The following ZNF280B variants were observed in gnomAD, a reference collection of about 807,000 sequenced individuals.
ZNF280B encodes the protein suppressor of hairy wing homolog 2.
Under a neutral mutation model 38.0 loss-of-function variants are expected in ZNF280B, and 16 were observed. The observed-to-expected ratio is 0.42, with a 90% confidence interval of 0.28 to 0.64. The LOEUF (loss-of-function observed/expected upper bound fraction) is 0.64, where lower values mean the gene tolerates loss of function less well. Ranked by LOEUF, ZNF280B falls within the 30% of genes least tolerant of loss-of-function variation. The pLI, the probability that ZNF280B is intolerant of heterozygous loss-of-function variation, is 0.21. For missense variants in ZNF280B, 581 were observed against 639.6 expected (o/e 0.91, Z 0.99); for synonymous variants, 253 against 230.6 (o/e 1.10, Z -0.88).
Position 22,484,977 on chromosome 22 carries a change from G to C in ZNF280B, c.*2790C>G, listed in dbSNP as rs569652306. The C allele has an allele frequency of 6.6e-6, 1 of 152,292 alleles. No homozygotes were observed. Among genetic ancestry groups the C allele is most frequent in the Admixed American group, 6.6e-5 (1 of 15,224 alleles). The allele number at this position is 152,292 out of a possible 1,614,324, so 9.4% of individuals were successfully genotyped here. ...GGTAGCAAGCCATGCAGGCCTAGGG[G>C]AAGGGCATTCTAAGAAAGACAACAG... On this transcript the variant is annotated 3_prime_UTR_variant, in exon 4 of 4. Coordinates refer to ENST00000626650, the MANE Select transcript of ZNF280B (RefSeq NM_080764.4).
chr22:22,488,105 A>G lies in ZNF280B; in HGVS notation c.1294T>C (p.Leu432=), dbSNP rs1305542122. ...ATTTTGAGACAAAAGGGACAAAGCA[A>G]ATTCTTTGTGTTTTCATGGCACGTT... ...FRTCHENTKN[L]LCPFCLKIFK... Residue 432 remains leucine (L), a synonymous_variant, in exon 4 of 4, where the codon TTG becomes CTG. Transcript: ENST00000626650. The G allele has an allele frequency of 6.2e-7, 1 of 1,613,860 alleles. No individual in the cohort carries two copies.
rs1312936987 is a variant in ZNF280B, at chr22:22,488,390, C to T, written c.1009G>A (p.Asp337Asn). Residue 337 changes from aspartate (D) to asparagine (N), a missense_variant, in exon 4 of 4, where the codon GAC (aspartate) becomes AAC (asparagine). Asp to Asn is a conservative substitution (Grantham distance 23). Coordinates refer to ENST00000626650, the MANE Select transcript of ZNF280B (RefSeq NM_080764.4). ...HHLEFEKQRNDSWENHTTCQH... is the reference protein window; with the variant it reads ...HHLEFEKQRNNSWENHTTCQH... ...CAGGTGGTGTGGTTTTCCCAGCTGTCGTTCCTCTGCTTCTCAAATTCCAAA... is the reference window on the plus strand; with the variant it reads ...CAGGTGGTGTGGTTTTCCCAGCTGTTGTTCCTCTGCTTCTCAAATTCCAAA... 9 of 1,613,780 alleles carry T rather than the reference C, an allele frequency of 5.6e-6. No individual in the cohort carries two copies. The highest frequency in any genetic ancestry group is 7.6e-6 in the Non-Finnish European group (9 of 1,179,998).
chr22:22,488,109 C>T lies in ZNF280B; in HGVS notation c.1290G>A (p.Lys430=), dbSNP rs2061527100. 6.2e-7 allele frequency: 1 copy of T among 1,613,822 alleles called. No individual in the cohort carries two copies. The highest frequency in any genetic ancestry group is 8.5e-7 in the Non-Finnish European group (1 of 1,179,942). ...TGAGACAAAAGGGACAAAGCAAATT[C>T]TTTGTGTTTTCATGGCACGTTCTAA... ...THFRTCHENT[K]NLLCPFCLKI... is the part of the protein sequence containing the mutation. Residue 430 remains lysine (K), a synonymous_variant, in exon 4 of 4, where the codon AAG becomes AAA. Coordinates refer to ENST00000626650, the MANE Select transcript of ZNF280B (RefSeq NM_080764.4).
At chr22:22,507,292 G>C (rs939555789) in intron 2 of ZNF280B, among the ~76,000 whole-genome samples, 2 of 151,914 alleles carry the variant, frequency 1.3e-5, no homozygotes, top group African/African-American at 4.8e-5. Context: ...CAAAAACTAT[G>C]AGGTAATAAA....
chr22:22,492,457 C>T (rs1457681506), intron 3 of ZNF280B, among the ~76,000 whole-genome samples: 1 of 151,940 alleles, frequency 6.6e-6, no homozygotes, highest in South Asian at 2.1e-4. Flanking sequence ...AGGGTGGCAA[C>T]TAAAAATGGC....
In ZNF280B at chr22:22,486,255, A is replaced by G. The variant is rs1215928945; in HGVS notation, c.*1512T>C. ...CAATTAGGGTAAGATATATATGCACAGAAAAATATAAAGCCATTATGGGTT... is the reference window on the plus strand; with the variant it reads ...CAATTAGGGTAAGATATATATGCACGGAAAAATATAAAGCCATTATGGGTT... On this transcript the variant is annotated 3_prime_UTR_variant, in exon 4 of 4. Transcript: ENST00000626650. The G allele has an allele frequency of 6.6e-6, 1 of 152,164 alleles. No homozygotes were observed. The highest frequency in any genetic ancestry group is 1.5e-5 in the Non-Finnish European group (1 of 68,026). 9.4% of individuals were successfully genotyped at this position (152,164 alleles called of 1,614,324 possible). A position where few individuals can be genotyped will look rare whatever the true frequency, so the allele number is the denominator to read the frequency against.
At position 22,487,507 on chromosome 22, in the gene ZNF280B, T is replaced by C. The variant is rs949159001; in HGVS notation, c.*260A>G. 405 of 307,154 alleles carry C rather than the reference T, an allele frequency of 1.3e-3. 1 individual carries two copies. Among genetic ancestry groups the C allele is most frequent in the Middle Eastern group, 1.8e-3 (2 of 1,112 alleles). The allele number at this position is 307,154 out of a possible 1,614,324, so 19.0% of individuals were successfully genotyped here. A position where few individuals can be genotyped will look rare whatever the true frequency, so the allele number is the denominator to read the frequency against. On this transcript the variant is annotated 3_prime_UTR_variant, in exon 4 of 4. Coordinates refer to ENST00000626650, the MANE Select transcript of ZNF280B (RefSeq NM_080764.4). ...ATTAAAAAAATAAATTAATACCTTT[T>C]TCTCTCTCTCACACACACACACAAA...
At chr22:22,489,890 C>T (rs1277391381) in intron 3 of ZNF280B, among the ~76,000 whole-genome samples, 1 of 151,818 alleles carries the variant, frequency 6.6e-6, no homozygotes, top group Non-Finnish European at 1.5e-5. Flanking sequence ...GGCAAAAATT[C>T]TTATTTCTTA....
At position 22,487,702 on chromosome 22, in the gene ZNF280B, TTTTTG is replaced by T. The variant is rs571445336; in HGVS notation, c.*60_*64del. On this transcript the variant is annotated 3_prime_UTR_variant, in exon 4 of 4. Coordinates refer to ENST00000626650, the MANE Select transcript of ZNF280B (RefSeq NM_080764.4). ...CTACTGAATAATGTATGGTTTGTATTTTTTGTTTTATGAGGTTTTTTAATTTGGTT... is the reference window on the plus strand; with the variant it reads ...CTACTGAATAATGTATGGTTTGTATTTTTTATGAGGTTTTTTAATTTGGTT... 7.0e-4 allele frequency: 976 copies of T among 1,394,240 alleles called. 22 individuals are homozygous for T. In the South Asian group the frequency reaches 0.013, roughly 19 times the overall value. The allele number at this position is 1,394,240 out of a possible 1,614,324, so 86.4% of individuals were successfully genotyped here.
At chr22:22,509,113 A>C (rs1282050142), upstream of ZNF280B, 1 of 153,142 alleles carries the variant, frequency 6.5e-6, no homozygotes, top group Non-Finnish European at 1.4e-5. Context: ...TGTCGCAGCC[A>C]GGGCTTGGGG....
chr22:22,496,412 C>A (rs1444301445), intron 2 of ZNF280B, among the ~76,000 whole-genome samples: 1 of 151,888 alleles, frequency 6.6e-6, no homozygotes, highest in Non-Finnish European at 1.5e-5. Flanking sequence ...AGGCTAGTTT[C>A]AACCCTATTT....
chr22:22,496,389 T>C (rs5758500), intron 2 of ZNF280B, among the ~76,000 whole-genome samples: 22,571 of 151,704 alleles, frequency 0.15, 1,961 homozygotes, highest in South Asian at 0.29. Context: ...TGAGCCACTG[T>C]ACCTGGCCTC....
intron 2 of ZNF280B, among the ~76,000 whole-genome samples, chr22:22,506,314 TA>T (rs577004824): frequency 2.7e-5 from 4 of 146,050 alleles, no homozygotes; most frequent in South Asian, 2.2e-4. Context: ...TAAAGGAAAT[TA>T]AAAAAAAAAC....
In ZNF280B at chr22:22,487,868, G is replaced by C; in HGVS notation, c.1531C>G (p.Gln511Glu). ...VTIQVSLEPL[Q>E]PGSVDVASIT... Reference sequence around the variant, plus strand: ...GATGCTACATCCACTGATCCTGGCTGAAGAGGTTCCAGCGACACTTGAATA... The same window carrying C: ...GATGCTACATCCACTGATCCTGGCTCAAGAGGTTCCAGCGACACTTGAATA... Residue 511 changes from glutamine (Q) to glutamate (E), a missense_variant, in exon 4 of 4, where the codon CAG (glutamine) becomes GAG (glutamate). By Grantham distance (29) the Gln-to-Glu change is conservative (BLOSUM62 2). Coordinates refer to ENST00000626650, the MANE Select transcript of ZNF280B (RefSeq NM_080764.4). The C allele has an allele frequency of 6.2e-7, 1 of 1,613,854 alleles. No homozygotes were observed. The highest frequency in any genetic ancestry group is 8.5e-7 in the Non-Finnish European group (1 of 1,179,936).
At chr22:22,504,266 T>C (rs1271308074) in intron 2 of ZNF280B, among the ~76,000 whole-genome samples, 2 of 151,646 alleles carry the variant, frequency 1.3e-5, no homozygotes, top group African/African-American at 4.8e-5. Context: ...ACCCCATCTC[T>C]ACTAAAAATA....
intron 2 of ZNF280B, among the ~76,000 whole-genome samples, chr22:22,499,660 C>T (rs1181273966): frequency 3.9e-5 from 6 of 151,906 alleles, no homozygotes; most frequent in Non-Finnish European, 5.9e-5. Context: ...AACAACAAAA[C>T]GATTGGGAAT....
At chr22:22,493,359 A>G (rs1198715636) in intron 3 of ZNF280B, among the ~76,000 whole-genome samples, 1 of 151,990 alleles carries the variant, frequency 6.6e-6, no homozygotes, top group Non-Finnish European at 1.5e-5. Context: ...TACTAAAGTT[A>G]TATGGAGGGT....
rs71199486 is a variant in ZNF280B, at chr22:22,497,208, T to TAAAAAA, written c.-186-3034_-186-3029dup. Reference sequence around the variant, plus strand: ...TGAGCAGAATCTTGGTCTCCATCTTTAAAAAAAAAAAAAAAAAAAAAAAAA... The same window carrying TAAAAAA: ...TGAGCAGAATCTTGGTCTCCATCTTTAAAAAAAAAAAAAAAAAAAAAAAAAAAAAAA... On this transcript the variant is annotated intron_variant, in intron 2 of 3. Coordinates refer to ENST00000626650, the MANE Select transcript of ZNF280B (RefSeq NM_080764.4). Among the ~76,000 whole-genome samples the TAAAAAA allele has an allele frequency of 1.8e-4, 6 of 33,640 alleles. 1 individual carries two copies. Among genetic ancestry groups the TAAAAAA allele is most frequent in the African/African-American group, 1.9e-4 (2 of 10,526 alleles). The allele number at this position is 33,640 out of a possible 152,430, so 22.1% of individuals were successfully genotyped here. A position where few individuals can be genotyped will look rare whatever the true frequency, so the allele number is the denominator to read the frequency against.
At position 22,486,473 on chromosome 22, in the gene ZNF280B, T is replaced by C. The variant is rs1415763610; in HGVS notation, c.*1294A>G. ...TTCAAATTATAGATATTAGGGCTTC[T>C]TCCCCTTGGGAAACTTGCTTTACAG... On this transcript the variant is annotated 3_prime_UTR_variant, in exon 4 of 4. Transcript: ENST00000626650. 1 of 152,410 alleles carries C rather than the reference T, an allele frequency of 6.6e-6. No homozygotes were observed. Among genetic ancestry groups the C allele is most frequent in the East Asian group, 2.0e-4 (1 of 5,092 alleles). The allele number at this position is 152,410 out of a possible 1,614,324, so 9.4% of individuals were successfully genotyped here.
Sources: allele counts gnomAD v4.1 joint callset (sites outside exome capture counted in the v4.1 genomes callset), GRCh38; gene constraint gnomAD v4.1.1; transcripts MANE v1.5; gene names NCBI Gene and HGNC (gene_info 2026-07-23, HGNC 2026-07-21).